The following SGSH variants were observed in gnomAD, a reference collection of about 807,000 sequenced individuals.
The protein encoded by SGSH is heparan sulfate sulfatase.
A neutral mutation model predicts 51.0 loss-of-function variants in SGSH; 48 were observed. The observed-to-expected ratio is 0.94, with a 90% confidence interval of 0.75 to 1.20. The LOEUF (loss-of-function observed/expected upper bound fraction) is 1.20, where lower values mean the gene tolerates loss of function less well. SGSH is among the 50% of genes most tolerant of loss of function. SGSH has a pLI of 0.00. For missense variants in SGSH, 662 were observed against 717.8 expected (o/e 0.92, Z 0.89); for synonymous variants, 321 against 313.4 (o/e 1.02, Z -0.26).
At chr17:80,201,726 T>C (rs200497350), downstream of SGSH, 22 of 1,613,748 alleles carry the variant, frequency 1.4e-5, no homozygotes, top group Admixed American at 2.0e-4. The surrounding 1 kb of genome is among the most constrained non-coding windows in gnomAD (Gnocchi z 5.0). Context: ...GAGACTGACC[T>C]TCTCGACTTG....
At chr17:80,217,335 C>T (rs371809314) in intron 1 of SGSH, 143 bp from the exon 2 acceptor site, 60 of 925,114 alleles carry the variant, frequency 6.5e-5, no homozygotes, top group South Asian at 5.2e-4. Flanking sequence ...ACACTCAGCG[C>T]GAAATGCTAT....
At position 80,212,009 on chromosome 17, in the gene SGSH, G is replaced by C. The variant is rs1028384333; in HGVS notation, c.949+62C>G. 4.3e-6 allele frequency: 6 copies of C among 1,405,128 alleles called. No individual in the cohort carries two copies. Among genetic ancestry groups the C allele is most frequent in the Non-Finnish European group, 6.0e-6 (6 of 994,272 alleles). 87.0% of individuals were successfully genotyped at this position (1,405,128 alleles called of 1,614,324 possible). ...ATGGGTGTGGAGCAGCATCTGACAG[G>C]TCATGGCCCCGTCCCAGATCCACTC... On this transcript the variant is annotated intron_variant, in intron 7 of 7. Coordinates refer to ENST00000326317, the MANE Select transcript of SGSH (RefSeq NM_000199.5). This position sits in a 1 kb window ranked among gnomAD's most constrained non-coding sequence, Gnocchi z 5.9.
chr17:80,210,435 C>G lies in SGSH; in HGVS notation c.*17G>C. 1 of 1,581,306 alleles carries G rather than the reference C, an allele frequency of 6.3e-7. No homozygotes were observed. Among genetic ancestry groups the G allele is most frequent in the Non-Finnish European group, 8.6e-7 (1 of 1,169,244 alleles). On this transcript the variant is annotated 3_prime_UTR_variant, in exon 8 of 8. Coordinates refer to ENST00000326317, the MANE Select transcript of SGSH (RefSeq NM_000199.5). ...CTGGGACATGCCTGGGATGTGTGCA[C>G]AGGCCTCCTGGGATGGTCACAGCTC...
At chr17:80,219,792 T>G (rs1031865311) in intron 1 of SGSH, 1 of 160,942 alleles carries the variant, frequency 6.2e-6, no homozygotes, top group Non-Finnish European at 1.4e-5. Context: ...GCTGTGCCCT[T>G]GGGATAAGGG....
chr17:80,214,729 A>G lies in SGSH; in HGVS notation c.392T>C (p.Val131Ala), dbSNP rs1196675623. The G allele has an allele frequency of 6.2e-7, 1 of 1,613,002 alleles. No individual in the cohort carries two copies. Among genetic ancestry groups the G allele is most frequent in the South Asian group, 1.1e-5 (1 of 91,090 alleles). The change falls in exon 4 of 8, where the codon GTG (valine) becomes GCG (alanine). Residue 131 changes from valine to alanine, a missense_variant. By Grantham distance (64) the Val-to-Ala change is moderately conservative. Transcript: ENST00000326317. ...CGTGTACGCAAAGTCAAACGGGTACACGGTCTCCGGCCCCACGTGCTTCTT... is the reference window on the plus strand; with the variant it reads ...CGTGTACGCAAAGTCAAACGGGTACGCGGTCTCCGGCCCCACGTGCTTCTT... Reference protein sequence around the residue: ...IGKKHVGPETVYPFDFAYTEE... With the variant: ...IGKKHVGPETAYPFDFAYTEE...
At chr17:80,214,064 A>C in intron 5 of SGSH, 108 bp downstream of exon 5, 1 of 1,442,966 alleles carries the variant, frequency 6.9e-7, no homozygotes, top group African/African-American at 1.4e-5. Context: ...CGATTTGGTC[A>C]GAGCCTCTTT....
At chr17:80,220,149 C>T (rs1598771346) in intron 1 of SGSH, 77 bp downstream of exon 1, 4 of 1,097,882 alleles carry the variant, frequency 3.6e-6, no homozygotes, top group East Asian at 5.9e-5. Context: ...CAGCATTGAC[C>T]ACGGGTGGGG....
Position 80,217,060 on chromosome 17 carries a change from C to T in SGSH, c.221G>A (p.Arg74His), listed in dbSNP as rs778336949. The T allele has an allele frequency of 4.4e-6, 7 of 1,590,362 alleles. No individual in the cohort carries two copies. The highest frequency in any genetic ancestry group is 3.6e-5 in the Admixed American group (2 of 56,166). ...FTSVSSCSPS[R>H]ASLLTGLPQH... is the part of the protein sequence containing the mutation. ...GGGCAGGCCAGTGAGGAGGCTGGCGCGGCTGGGAGAGCAGCTGCTGACCGA... is the reference window on the plus strand; with the variant it reads ...GGGCAGGCCAGTGAGGAGGCTGGCGTGGCTGGGAGAGCAGCTGCTGACCGA... The change falls in exon 2 of 8, where the codon CGC becomes CAC. Residue 74 changes from arginine to histidine, a missense_variant. Coordinates refer to ENST00000326317, the MANE Select transcript of SGSH (RefSeq NM_000199.5).
chr17:80,208,517 A>T, downstream of SGSH: 1 of 562,592 alleles, frequency 1.8e-6, no homozygotes, highest in South Asian at 2.7e-5. Context: ...GGTCACACAC[A>T]GTGAAGCCAC....
downstream of SGSH, chr17:80,204,897 C>G (rs763141916): frequency 2.8e-6 from 2 of 719,376 alleles, no homozygotes; most frequent in Non-Finnish European, 4.4e-6. Context: ...GTCCTGTGAC[C>G]GCTGAGCCTG....
Position 80,209,459 on chromosome 17 carries a change from C to T in SGSH, c.*993G>A, listed in dbSNP as rs868756872. The T allele has an allele frequency of 4.1e-5, 40 of 985,534 alleles. No homozygotes were observed. The highest frequency in any genetic ancestry group is 3.8e-4 in the African/African-American group (22 of 57,330). 61.0% of individuals were successfully genotyped at this position (985,534 alleles called of 1,614,324 possible). A position where few individuals can be genotyped will look rare whatever the true frequency, so the allele number is the denominator to read the frequency against. On this transcript the variant is annotated 3_prime_UTR_variant, in exon 8 of 8. Transcript: ENST00000326317. ...TGTCCAGGCCGAGGGGTGTCCAGGC[C>T]GGGCTTCTGCTCCCGAGGTGGGTGG...
chr17:80,204,003 C>A, downstream of SGSH: 1 of 892,656 alleles, frequency 1.1e-6, no homozygotes, highest in South Asian at 1.6e-5. Flanking sequence ...AGGGTAACCC[C>A]ACCTGTCTCT....
At chr17:80,208,410 C>A, downstream of SGSH, 1 of 1,392,610 alleles carries the variant, frequency 7.2e-7, no homozygotes, top group Non-Finnish European at 9.7e-7. Context: ...TCCTGTTCCT[C>A]AGCCCAGGCC....
downstream of SGSH, chr17:80,207,804 C>T (rs1055074139): frequency 3.5e-6 from 1 of 284,452 alleles, no homozygotes; most frequent in Non-Finnish European, 6.5e-6. Flanking sequence ...GGCCTCAGCT[C>T]CACTGACCCT....
rs2041600259 is a variant in SGSH, at chr17:80,210,583, G to A, written c.1378C>T (p.Leu460Phe). ...AGCTGGTCCCGAAGCATCTCCAGAA[G>A]CTGAGCAAAGCGCGGGTCGGTGGCC... ...NLATDPRFAQ[L>F]LEMLRDQLAK... The change falls in exon 8 of 8, where the codon CTT becomes TTT. Residue 460 changes from leucine (L) to phenylalanine (F), a missense_variant. Leu to Phe is a conservative substitution (Grantham distance 22). Transcript: ENST00000326317. 3 of 1,613,412 alleles carry A rather than the reference G, an allele frequency of 1.9e-6. No homozygotes were observed. The highest frequency in any genetic ancestry group is 2.2e-5 in the East Asian group (1 of 44,870).
Position 80,209,876 on chromosome 17 carries a change from CAGA to C in SGSH, c.*573_*575del, listed in dbSNP as rs1009146122. The C allele has an allele frequency of 3.1e-5, 31 of 990,266 alleles. No homozygotes were observed. The African/African-American group carries it at 4.5e-4, about 14-fold the overall frequency. 61.3% of individuals were successfully genotyped at this position (990,266 alleles called of 1,614,324 possible). Reference sequence around the variant, plus strand: ...ACAGGGACTTGACCATGGGGCAAAACAGAAGAAGCAGAAACCTGCCCAAAGGTC... The same window carrying C: ...ACAGGGACTTGACCATGGGGCAAAACAGAAGCAGAAACCTGCCCAAAGGTC... On this transcript the variant is annotated 3_prime_UTR_variant, in exon 8 of 8. Coordinates refer to ENST00000326317, the MANE Select transcript of SGSH (RefSeq NM_000199.5).
chr17:80,204,442 C>T, downstream of SGSH: 1 of 1,142,424 alleles, frequency 8.8e-7, no homozygotes, highest in East Asian at 2.7e-5. Context: ...GGATGCCACT[C>T]ATTTAGGCCA....
chr17:80,206,425 G>A (rs982691607), downstream of SGSH, among the ~76,000 whole-genome samples: 1 of 152,202 alleles, frequency 6.6e-6, no homozygotes, highest in Admixed American at 6.5e-5. Context: ...ACCAGCCTGA[G>A]CAACACAGTG....
downstream of SGSH, chr17:80,204,679 C>T (rs2041183201): frequency 2.6e-6 from 1 of 381,736 alleles, no homozygotes; most frequent in Non-Finnish European, 4.7e-6. Context: ...GGGCTAGGAC[C>T]CTGTGCCCTG....
Sources: gnomAD v4.1 joint callset for allele counts (sites outside exome capture counted in the v4.1 genomes callset) on GRCh38, gnomAD v4.1.1 for gene constraint, Gnocchi (gnomAD v3.1) non-coding constraint, MANE v1.5 for transcripts, NCBI Gene and HGNC (gene_info 2026-07-23, HGNC 2026-07-21) for gene names.